The following CHID1 variants were observed in gnomAD, a reference collection of about 807,000 sequenced individuals.
CHID1 encodes chitinase domain containing 1.
A neutral mutation model predicts 55.4 loss-of-function variants in CHID1; 44 were observed. The observed-to-expected ratio is 0.79, with a 90% CI of 0.62 to 1.02. The LOEUF (loss-of-function observed/expected upper bound fraction) is 1.02. Among genes scored for constraint, CHID1 ranks in the 50% least tolerant of loss-of-function variants. The pLI is 0.00. For missense variants in CHID1, 491 were observed against 515.3 expected, an observed-to-expected ratio of 0.95 and a Z score of 0.46; for synonymous variants, 216 against 212.9, an observed-to-expected ratio of 1.01 and a Z score of -0.13.
chr11:894,841 T>C (rs1452099021), intron 7 of CHID1, among the ~76,000 whole-genome samples: 1 of 152,172 alleles, frequency 6.6e-6, no homozygotes, highest in East Asian at 1.9e-4. Context: ...AACTGCTGCA[T>C]AGTGGCAGCT....
At chr11:884,215 G>A (rs1850228965) in intron 8 of CHID1, 46 bp from the exon 9 acceptor site, 1 of 1,499,122 alleles carries the variant, frequency 6.7e-7, no homozygotes, top group Non-Finnish European at 9.3e-7. Context: ...TGCCCTGCCT[G>A]AAGCCCCTCC....
chr11:883,278 A>C lies in CHID1; in HGVS notation c.829T>G (p.Trp277Gly), dbSNP rs777043780. The C allele has an allele frequency of 4.3e-6, 7 of 1,613,752 alleles. No individual in the cohort carries two copies. The Admixed American group carries it at 1.2e-4, about 27-fold the overall frequency. ...HQPGPNAPLSWVRACVQVLDP... is the reference protein window; with the variant it reads ...HQPGPNAPLSGVRACVQVLDP... ...AGGACCTGGACGCAGGCTCGAACCC[A>C]GGACAGGGGTGCATTAGGGCCAGGC... The change falls in exon 10 of 13, where the codon TGG becomes GGG. Residue 277 changes from tryptophan (W) to glycine (G), a missense_variant. Transcript: ENST00000323578.
rs150202411 is a variant in CHID1 at position 882,942 on chromosome 11, G to A, written c.959+206C>T. The A allele has an allele frequency of 8.3e-4, 462 of 554,700 alleles. 2 individuals carry two copies. Among genetic ancestry groups the A allele is most frequent in the South Asian group, 1.2e-3 (52 of 44,576 alleles). The allele number at this position is 554,700 out of a possible 1,614,324, so 34.4% of individuals were successfully genotyped here. A position where few individuals can be genotyped will look rare whatever the true frequency, so the allele number is the denominator to read the frequency against. On this transcript the variant is annotated intron_variant, in intron 10 of 12. Coordinates refer to ENST00000323578, the MANE Select transcript of CHID1 (RefSeq NM_023947.4). ...TGGGGACAGCCTCACGCAGATGTGT[G>A]GCCGTGTTATGGGTGGTGACCACAG...
intron 8 of CHID1, among the ~76,000 whole-genome samples, chr11:892,998 C>T (rs1850954030): frequency 6.6e-6 from 1 of 152,242 alleles, no homozygotes; most frequent in South Asian, 2.1e-4. Flanking sequence ...CCGCAGTCAC[C>T]TCTCTGCCTC....
chr11:889,394 G>A (rs1028543331), intron 8 of CHID1, among the ~76,000 whole-genome samples: 99 of 152,262 alleles, frequency 6.5e-4, no homozygotes, highest in African/African-American at 2.2e-3. Context: ...TGTAGTTGAC[G>A]CCAGGCAAAA....
At chr11:885,738 T>G (rs1163306552) in intron 8 of CHID1, among the ~76,000 whole-genome samples, 1 of 152,164 alleles carries the variant, frequency 6.6e-6, no homozygotes, top group Non-Finnish European at 1.5e-5. Context: ...TCATTTCTTT[T>G]TTATTTCTGA....
At chr11:912,045 G>A (rs1032380614), upstream of CHID1, among the ~76,000 whole-genome samples, 7 of 152,236 alleles carry the variant, frequency 4.6e-5, no homozygotes, top group African/African-American at 1.7e-4. Flanking sequence ...TTGCAGAATC[G>A]ATCGGGCAGC....
chr11:898,979 T>G (rs541682555), intron 7 of CHID1, among the ~76,000 whole-genome samples: 1 of 152,316 alleles, frequency 6.6e-6, no homozygotes, highest in African/African-American at 2.4e-5. Flanking sequence ...AGTTTCTGCT[T>G]GTGTCCAAGC....
At chr11:873,795 G>A (rs1209397121) in intron 10 of CHID1, among the ~76,000 whole-genome samples, 1 of 152,116 alleles carries the variant, frequency 6.6e-6, no homozygotes. Flanking sequence ...CTGGAAGCGT[G>A]TTAAACGCCA....
chr11:876,377 C>T (rs189741095), intron 10 of CHID1, among the ~76,000 whole-genome samples: 32 of 152,164 alleles, frequency 2.1e-4, no homozygotes, highest in Admixed American at 1.9e-3. Flanking sequence ...AGAGGGAGGT[C>T]GGGGCTCAGG....
rs1022985066 is a variant in CHID1, at chr11:884,238, C to G, written c.702-69G>C. On this transcript the variant is annotated intron_variant, in intron 8 of 12. Coordinates refer to ENST00000323578, the MANE Select transcript of CHID1 (RefSeq NM_023947.4). ...CTGAAGCCCCTCCCCAGCTGCGGTT[C>G]GAGCAAGCTGCCTGTAGGGGACTTG... 4 of 1,243,690 alleles carry G rather than the reference C, an allele frequency of 3.2e-6. No homozygotes were observed. The African/African-American group carries it at 5.9e-5, about 18-fold the overall frequency. The allele number at this position is 1,243,690 out of a possible 1,614,324, so 77.0% of individuals were successfully genotyped here.
chr11:892,101 T>A (rs1296873904), intron 8 of CHID1, among the ~76,000 whole-genome samples: 1 of 151,194 alleles, frequency 6.6e-6, no homozygotes, highest in Non-Finnish European at 1.5e-5. Flanking sequence ...GGCGACAGAG[T>A]GAGACTCTAT....
chr11:914,099 C>T (rs1852831807), upstream of CHID1, among the ~76,000 whole-genome samples: 1 of 151,244 alleles, frequency 6.6e-6, no homozygotes. Context: ...GTAAAGTCTT[C>T]TAGGCTTAAA....
At chr11:894,409 C>A (rs900703037) in intron 7 of CHID1, among the ~76,000 whole-genome samples, 23 of 152,312 alleles carry the variant, frequency 1.5e-4, no homozygotes, top group African/African-American at 5.5e-4. Context: ...GGCCTAGGAG[C>A]AGCCGTCAGG....
intron 4 of CHID1, 126 bp from the exon 5 acceptor site, chr11:901,106 G>A: frequency 1.3e-6 from 1 of 788,206 alleles, no homozygotes; most frequent in Admixed American, 3.0e-5. Context: ...GGGCAGGCAG[G>A]TGTGAGAACC....
At chr11:871,064 CACTGCA>C (rs1335584901) in intron 10 of CHID1, among the ~76,000 whole-genome samples, 1 of 147,910 alleles carries the variant, frequency 6.8e-6, no homozygotes, top group East Asian at 2.0e-4. Flanking sequence ...GATCTTGGTT[CACTGCA>C]ACCTCTGCCT....
intron 8 of CHID1, 135 bp from the exon 9 acceptor site, chr11:884,304 G>C (rs1850235745): frequency 1.6e-6 from 1 of 643,300 alleles, no homozygotes; most frequent in East Asian, 2.8e-5. Context: ...TCTGGGGTGG[G>C]GACAGCCTGC....
At chr11:902,064 G>GCAGAGACACACACACACTCCCATA in intron 4 of CHID1, 134 bp downstream of exon 4, 1 of 933,238 alleles carries the variant, frequency 1.1e-6, no homozygotes, top group Non-Finnish European at 1.6e-6. Flanking sequence ...CTTAAATCAC[G>GCAGAGACACACACACACTCCCATA]CAGAGACACA....
rs4963182 is a variant in CHID1, at chr11:900,057, C to G, written c.493G>C (p.Asp165His). 1.2e-6 allele frequency: 2 copies of G among 1,614,120 alleles called. No individual in the cohort carries two copies. Among genetic ancestry groups the G allele is most frequent in the Non-Finnish European group, 1.7e-6 (2 of 1,180,002 alleles). ...WTYDDFRNVL[D>H]SEDEIEELSK... The stretch of plus-strand genomic sequence containing the variant: ...AGCTCCTCTATCTCATCCTCACTGT[C>G]TAAGACGTTCCGGAAATCATCGTAA... Residue 165 changes from aspartate to histidine, a missense_variant, in exon 6 of 13, where the codon GAC (aspartate) becomes CAC (histidine). Asp to His is a moderately conservative substitution (Grantham distance 81). Transcript: ENST00000323578.
Sources: allele counts gnomAD v4.1 joint callset (sites outside exome capture counted in the v4.1 genomes callset), GRCh38; gene constraint gnomAD v4.1.1; transcripts MANE v1.5; gene names NCBI Gene and HGNC (gene_info 2026-07-23, HGNC 2026-07-21).